Variants in CAP2 observed in about 807,000 individuals in gnomAD.
The protein encoded by CAP2 is cyclase associated actin cytoskeleton regulatory protein 2.
Under a neutral mutation model 57.7 loss-of-function variants are expected in CAP2, and 24 were observed. That is an observed-to-expected ratio of 0.42 (90% CI 0.30 to 0.58). The LOEUF (loss-of-function observed/expected upper bound fraction) is 0.58. Ranked by LOEUF, CAP2 falls within the 20% of genes least tolerant of loss-of-function variation. The pLI is 0.22. For missense variants in CAP2, 501 were observed against 590.3 expected (o/e 0.85, Z 1.57); for synonymous variants, 194 against 207.2 (o/e 0.94, Z 0.55).
chr6:17,541,054 C>T lies in CAP2; in HGVS notation c.908C>T (p.Thr303Ile), dbSNP rs1762886176. 6.2e-7 allele frequency: 1 copy of T among 1,614,062 alleles called. No individual in the cohort carries two copies. The highest frequency in any genetic ancestry group is 8.5e-7 in the Non-Finnish European group (1 of 1,179,934). Residue 303 changes from threonine to isoleucine, a missense_variant, in exon 9 of 13, where the codon ACC becomes ATC. By Grantham distance (89) the Thr-to-Ile change is moderately conservative. Transcript: ENST00000229922. ...RAQGGQTQSP[T>I]KSHTPSPTSP... ...CAAGGAGGGCAAACTCAATCTCCCA[C>T]CAAAAGTCACACTCCAAGTCCCACA...
intron 3 of CAP2, among the ~76,000 whole-genome samples, chr6:17,442,444 A>G (rs1031378819): frequency 6.6e-6 from 1 of 152,200 alleles, no homozygotes; most frequent in African/African-American, 2.4e-5. Context: ...ATTTGTGAGC[A>G]TGCCCAGGGC....
intron 12 of CAP2, 85 bp from the exon 13 acceptor site, chr6:17,556,274 C>T (rs1312127197): frequency 3.2e-6 from 3 of 940,422 alleles, no homozygotes; most frequent in African/African-American, 1.6e-5. Flanking sequence ...ACAAATCAGC[C>T]TCACCATCTG....
At chr6:17,400,413 C>A (rs1758780316) in intron 1 of CAP2, among the ~76,000 whole-genome samples, 1 of 152,140 alleles carries the variant, frequency 6.6e-6, no homozygotes, top group Non-Finnish European at 1.5e-5. Context: ...ACTGCTATAT[C>A]CCTAGCATCT....
chr6:17,491,599 T>C (rs901560544), intron 4 of CAP2, among the ~76,000 whole-genome samples: 4 of 152,230 alleles, frequency 2.6e-5, no homozygotes, highest in Non-Finnish European at 5.9e-5. Flanking sequence ...GTGTGAACGA[T>C]ACGGTTTAAA....
chr6:17,521,447 C>T (rs1445338983), intron 7 of CAP2, among the ~76,000 whole-genome samples: 1 of 152,006 alleles, frequency 6.6e-6, no homozygotes, highest in Non-Finnish European at 1.5e-5. Flanking sequence ...CATCAACTAA[C>T]AAAGAAGCCT....
chr6:17,407,602 C>T (rs979954168), intron 1 of CAP2, among the ~76,000 whole-genome samples: 2 of 151,628 alleles, frequency 1.3e-5, no homozygotes, highest in Non-Finnish European at 2.9e-5. Flanking sequence ...CATGGTGAAA[C>T]CCCGTCTTTA....
chr6:17,413,114 C>A lies in CAP2; in HGVS notation c.-1-8441C>A, dbSNP rs565247405. ...GCTGGGGTGAGATCTTTCTGAAGGT[C>A]AAGCTGAAGCATTTTTCTCCTGCAG... On this transcript the variant is annotated intron_variant, in intron 1 of 12. Transcript: ENST00000229922. 2.6e-5 allele frequency among the ~76,000 whole-genome samples: 4 copies of A among 152,236 alleles called. No individual in the cohort carries two copies. The South Asian group carries it at 8.3e-4, about 32-fold the overall frequency.
chr6:17,396,975 G>T (rs144709762), intron 1 of CAP2, among the ~76,000 whole-genome samples: 28 of 152,182 alleles, frequency 1.8e-4, no homozygotes, highest in African/African-American at 6.5e-4. Flanking sequence ...CTGGTTTATT[G>T]TAAAACAGTT....
intron 1 of CAP2, among the ~76,000 whole-genome samples, chr6:17,398,085 G>C (rs1381549360): frequency 6.6e-6 from 1 of 152,180 alleles, no homozygotes; most frequent in East Asian, 1.9e-4. Flanking sequence ...AACGTTTTAA[G>C]AAGTGTGGAA....
intron 4 of CAP2, among the ~76,000 whole-genome samples, chr6:17,471,813 A>G (rs1031454143): frequency 6.8e-6 from 1 of 146,084 alleles, no homozygotes; most frequent in Non-Finnish European, 1.5e-5. Flanking sequence ...CCTGGGCAAC[A>G]GAGCCAGACT....
intron 1 of CAP2, among the ~76,000 whole-genome samples, chr6:17,404,072 G>A (rs1050237814): frequency 5.3e-5 from 8 of 152,168 alleles, no homozygotes; most frequent in African/African-American, 1.9e-4. Flanking sequence ...CAGTAATTGT[G>A]GCAAAACCTT....
intron 4 of CAP2, among the ~76,000 whole-genome samples, chr6:17,492,286 G>T (rs1177955867): frequency 1.3e-5 from 2 of 151,684 alleles, no homozygotes; most frequent in Non-Finnish European, 2.9e-5. Context: ...TTTGTATTTT[G>T]GGGTCACCAA....
At chr6:17,479,116 T>C (rs1050321178) in intron 4 of CAP2, among the ~76,000 whole-genome samples, 2 of 152,206 alleles carry the variant, frequency 1.3e-5, no homozygotes, top group African/African-American at 4.8e-5. Context: ...GTGCCCACTG[T>C]ACGTCTCCAG....
chr6:17,404,124 A>G (rs1758887047), intron 1 of CAP2, among the ~76,000 whole-genome samples: 2 of 152,206 alleles, frequency 1.3e-5, no homozygotes, highest in Admixed American at 6.5e-5. Flanking sequence ...ATTAATTGAC[A>G]TAGTTCTAGT....
intron 7 of CAP2, among the ~76,000 whole-genome samples, chr6:17,526,787 G>A (rs574614280): frequency 5.5e-4 from 83 of 151,304 alleles, no homozygotes; most frequent in Non-Finnish European, 9.6e-4. Flanking sequence ...GTGAAACCCC[G>A]TCTCTACTAA....
intron 7 of CAP2, among the ~76,000 whole-genome samples, chr6:17,534,957 T>C (rs1762737130): frequency 6.6e-6 from 1 of 152,042 alleles, no homozygotes; most frequent in Admixed American, 6.6e-5. Context: ...GCAGGAAAAA[T>C]GAACCAGGCA....
chr6:17,446,566 C>T (rs1327469329), intron 3 of CAP2, among the ~76,000 whole-genome samples: 1 of 152,146 alleles, frequency 6.6e-6, no homozygotes, highest in Admixed American at 6.5e-5. Context: ...AGAGATTTGT[C>T]TTGTTAAAAA....
Position 17,557,038 on chromosome 6 carries a change from T to C in CAP2, c.*596T>C, listed in dbSNP as rs1581621884. 1 of 152,304 alleles carries C rather than the reference T, an allele frequency of 6.6e-6. No homozygotes were observed. The highest frequency in any genetic ancestry group is 1.9e-4 in the East Asian group (1 of 5,176). 9.4% of individuals were successfully genotyped at this position (152,304 alleles called of 1,614,324 possible). On this transcript the variant is annotated 3_prime_UTR_variant, in exon 13 of 13. Coordinates refer to ENST00000229922, the MANE Select transcript of CAP2 (RefSeq NM_006366.3). ...TCCTTGGTCCTTGGAAGACCTATAT[T>C]CTCTGTAGTTACTGAAAACCGAAAG...
At chr6:17,469,340 A>G (rs1760954024) in intron 4 of CAP2, among the ~76,000 whole-genome samples, 1 of 151,426 alleles carries the variant, frequency 6.6e-6, no homozygotes, top group African/African-American at 2.4e-5. Context: ...CACTTTCCCT[A>G]TTTTCTCCAG....
Sources: gnomAD v4.1 joint callset for allele counts (sites outside exome capture counted in the v4.1 genomes callset) on GRCh38, gnomAD v4.1.1 for gene constraint, MANE v1.5 for transcripts, NCBI Gene and HGNC (gene_info 2026-07-23, HGNC 2026-07-21) for gene names.